CENPL: variants seen among roughly 807,000 people sequenced by gnomAD.
CENPL encodes centromere protein L, also known as interphase centromere complex protein 33.
CENPL carries 20 observed loss-of-function variants against 35.2 expected under a neutral mutation model. The ratio of observed to expected loss-of-function variants is 0.57; its 90% CI spans 0.40 to 0.83. The LOEUF is 0.83. CENPL is among the 40% of genes least tolerant of loss of function. CENPL has a pLI of 0.00. For synonymous variants in CENPL, 140 were observed against 140.6 expected (o/e 1.00, Z 0.03); for missense variants, 363 against 395.8 (o/e 0.92, Z 0.70).
Position 173,800,284 on chromosome 1 carries a change from C to T in CENPL, c.*164G>A. 2.0e-6 allele frequency: 1 copy of T among 501,836 alleles called. No homozygotes were observed. Among genetic ancestry groups the T allele is most frequent in the Non-Finnish European group, 3.6e-6 (1 of 274,720 alleles). 31.1% of individuals were successfully genotyped at this position (501,836 alleles called of 1,614,324 possible). The stretch of plus-strand genomic sequence containing the variant: ...CTCATCTACTACCATATTCTTTGTT[C>T]TTCTAGATCCTTCTTGGCTTCCATC... On this transcript the variant is annotated 3_prime_UTR_variant, in exon 6 of 6. Coordinates refer to ENST00000682279, the MANE Select transcript of CENPL (RefSeq NM_001387287.1).
chr1:173,806,171 C>T (rs1339314503), intron 4 of CENPL, among the ~76,000 whole-genome samples: 1 of 152,246 alleles, frequency 6.6e-6, no homozygotes, highest in African/African-American at 2.4e-5. Context: ...GGTTTACTGA[C>T]TCTAATCTAT....
At chr1:173,819,482 TC>T (rs1651730739) in intron 2 of CENPL, among the ~76,000 whole-genome samples, 1 of 151,704 alleles carries the variant, frequency 6.6e-6, no homozygotes, top group Non-Finnish European at 1.5e-5. Context: ...TCCCAGCTAC[TC>T]AGGAGGCTGA....
intron 3 of CENPL, 45 bp from the exon 4 acceptor site, chr1:173,807,563 C>T (rs2102576192): frequency 7.1e-7 from 1 of 1,401,232 alleles, no homozygotes; most frequent in Non-Finnish European, 9.6e-7. Flanking sequence ...AATTAGGAAA[C>T]AATAAGAATT....
Position 173,799,591 on chromosome 1 carries a change from G to A in CENPL, c.*857C>T, listed in dbSNP as rs1649575940. ...CATTTAATTCAACATTGCAACAGGA[G>A]TTGAACTGTATTTAAAACAGAAGCA... On this transcript the variant is annotated 3_prime_UTR_variant, in exon 6 of 6. Coordinates refer to ENST00000682279, the MANE Select transcript of CENPL (RefSeq NM_001387287.1). 1 of 152,192 alleles carries A rather than the reference G, an allele frequency of 6.6e-6. No individual in the cohort carries two copies. Among genetic ancestry groups the A allele is most frequent in the African/African-American group, 2.4e-5 (1 of 41,444 alleles). The allele number at this position is 152,192 out of a possible 1,614,324, so 9.4% of individuals were successfully genotyped here.
At chr1:173,811,783 G>A (rs1650850940) in intron 2 of CENPL, among the ~76,000 whole-genome samples, 1 of 152,346 alleles carries the variant, frequency 6.6e-6, no homozygotes, top group African/African-American at 2.4e-5. Flanking sequence ...ATTTCCAACT[G>A]AGGTAACTGG....
chr1:173,803,476 C>G lies in CENPL; in HGVS notation c.450G>C (p.Glu150Asp), dbSNP rs1300757505. The G allele has an allele frequency of 1.9e-6, 3 of 1,581,412 alleles. No homozygotes were observed. The East Asian group carries it at 6.8e-5, about 36-fold the overall frequency. The change falls in exon 5 of 6, where the codon GAG (glutamate) becomes GAC (aspartate). Residue 150 changes from glutamate to aspartate, a missense_variant. Transcript: ENST00000682279. The part of the protein sequence containing the change: ...QIVSKSQLPS[E>D]NREGKVLWTG... ...TCCACAGCACTTTACCTTCTCTATT[C>G]TCAGATGGCAATTGAGATTTTGACA...
intron 4 of CENPL, among the ~76,000 whole-genome samples, chr1:173,804,064 G>A (rs1043463783): frequency 2.0e-5 from 3 of 152,116 alleles, no homozygotes. Flanking sequence ...GCATAACCAG[G>A]TGTAGTACCC....
At chr1:173,801,672 T>C (rs1196559610) in intron 5 of CENPL, among the ~76,000 whole-genome samples, 1 of 150,590 alleles carries the variant, frequency 6.6e-6, no homozygotes, top group Non-Finnish European at 1.5e-5. Context: ...AATACAAAAA[T>C]AGCTGGGCAT....
At chr1:173,823,810 G>GTTAA (rs1167465088) in intron 2 of CENPL, 116 bp downstream of exon 2, 2 of 152,184 alleles carry the variant, frequency 1.3e-5, no homozygotes, top group Non-Finnish European at 2.9e-5. Flanking sequence ...CTTAGCCAGT[G>GTTAA]TTAAGCACGT....
chr1:173,809,507 G>A lies in CENPL; in HGVS notation c.168+1625C>T, dbSNP rs564580453. On this transcript the variant is annotated intron_variant, in intron 3 of 5. Transcript: ENST00000682279. ...CTCAGGAGGCTGAGGCAGAAGAATC[G>A]CTTGAATCTGGAAGGCAGAAGTTGC... is the stretch of plus-strand genomic sequence containing the variant. Among the ~76,000 whole-genome samples, 23 of 151,734 alleles carry A rather than the reference G, an allele frequency of 1.5e-4. No homozygotes were observed. The South Asian group carries it at 2.9e-3, about 19-fold the overall frequency.
chr1:173,822,497 C>T (rs1652048532), intron 2 of CENPL: 1 of 152,150 alleles, frequency 6.6e-6, no homozygotes, highest in African/African-American at 2.4e-5. Context: ...ACCATTACAG[C>T]TGCAACCCAG....
rs1649603032 is a variant in CENPL at position 173,799,954 on chromosome 1, G to C, written c.*494C>G. On this transcript the variant is annotated 3_prime_UTR_variant, in exon 6 of 6. Transcript: ENST00000682279. ...TTGGCTCACTGCAGCCTGTCTTCTG[G>C]GTTAAAACGATTCTCCTGCCTCAGC... The C allele has an allele frequency of 6.6e-6, 1 of 152,270 alleles. No individual in the cohort carries two copies. The highest frequency in any genetic ancestry group is 6.5e-5 in the Admixed American group (1 of 15,278). 9.4% of individuals were successfully genotyped at this position (152,270 alleles called of 1,614,324 possible).
At chr1:173,807,071 T>G (rs1650299941) in intron 4 of CENPL, among the ~76,000 whole-genome samples, 196 bp downstream of exon 4, 1 of 152,170 alleles carries the variant, frequency 6.6e-6, no homozygotes, top group Admixed American at 6.5e-5. Flanking sequence ...TACCAAAATG[T>G]TAAACTATAA....
chr1:173,809,186 C>CA (rs1409594299), intron 3 of CENPL, among the ~76,000 whole-genome samples: 1 of 152,030 alleles, frequency 6.6e-6, no homozygotes, highest in African/African-American at 2.4e-5. Context: ...ACTAACAATA[C>CA]AAAAAAATTA....
Position 173,803,450 on chromosome 1 carries a change from G to C in CENPL, c.476C>G (p.Thr159Ser). ...SENREGKVLW[T>S]GWFCCVFGDS... ...TCCAAATACACAGCAGAACCAGCCA[G>C]TCCACAGCACTTTACCTTCTCTATT... Residue 159 changes from threonine to serine, a missense_variant, in exon 5 of 6, where the codon ACT becomes AGT. Transcript: ENST00000682279. 1 of 1,612,456 alleles carries C rather than the reference G, an allele frequency of 6.2e-7. No homozygotes were observed. The highest frequency in any genetic ancestry group is 8.5e-7 in the Non-Finnish European group (1 of 1,178,766).
Position 173,811,177 on chromosome 1 carries a change from G to A in CENPL, c.123C>T (p.Ile41=). The A allele has an allele frequency of 6.2e-7, 1 of 1,614,004 alleles. No individual in the cohort carries two copies. Among genetic ancestry groups the A allele is most frequent in the Non-Finnish European group, 8.5e-7 (1 of 1,179,906 alleles). Residue 41 remains isoleucine (I), a synonymous_variant, in exon 3 of 6, where the codon ATC becomes ATT. Coordinates refer to ENST00000682279, the MANE Select transcript of CENPL (RefSeq NM_001387287.1). ...LESVRKQSSF[I]LTPPRRKIPQ... ...GAATTTTCCTTCGAGGTGGAGTCAG[G>A]ATAAATGAACTCTGCTTCCTGACCG...
chr1:173,810,526 G>GT (rs1019639086), intron 3 of CENPL, among the ~76,000 whole-genome samples: 1 of 150,984 alleles, frequency 6.6e-6, no homozygotes, highest in African/African-American at 2.4e-5. Flanking sequence ...TAAAATAAAA[G>GT]TTAAAAAAAA....
Position 173,807,317 on chromosome 1 carries a change from G to A in CENPL, c.370C>T (p.Leu124Phe). Reference protein sequence around the residue: ...DFNIKVIFSTLLGMKGTQRDP... With the variant: ...DFNIKVIFSTFLGMKGTQRDP... ...CTTTGTGTTCCTTTCATTCCTAGGA[G>A]AGTAGAAAAAATCACTTTGATGTTG... Residue 124 changes from leucine to phenylalanine, a missense_variant, in exon 4 of 6, where the codon CTC (leucine) becomes TTC (phenylalanine). Coordinates refer to ENST00000682279, the MANE Select transcript of CENPL (RefSeq NM_001387287.1). The A allele has an allele frequency of 6.2e-7, 1 of 1,613,454 alleles. No individual in the cohort carries two copies. The highest frequency in any genetic ancestry group is 1.3e-5 in the African/African-American group (1 of 75,018).
rs941963615 is a variant in CENPL, at chr1:173,800,194, C to G, written c.*254G>C. ...ATATTTAAAGATGACAAGAAATTAA[C>G]AACTCAGCATTTTGAGAATGGCATG... On this transcript the variant is annotated 3_prime_UTR_variant, in exon 6 of 6. Coordinates refer to ENST00000682279, the MANE Select transcript of CENPL (RefSeq NM_001387287.1). 1.1e-5 allele frequency: 3 copies of G among 270,566 alleles called. No individual in the cohort carries two copies. The highest frequency in any genetic ancestry group is 1.4e-5 in the Non-Finnish European group (2 of 141,930). 16.8% of individuals were successfully genotyped at this position (270,566 alleles called of 1,614,324 possible).
Sources: gnomAD v4.1 joint callset for allele counts (sites outside exome capture counted in the v4.1 genomes callset) on GRCh38, gnomAD v4.1.1 for gene constraint, MANE v1.5 for transcripts, NCBI Gene and HGNC (gene_info 2026-07-23, HGNC 2026-07-21) for gene names.